EPHA6: variants seen among roughly 807,000 people sequenced by gnomAD.
EPHA6 encodes EPH receptor A6, also known as ephrin type-A receptor 6.
EPHA6 carries 50 observed loss-of-function variants against 112.0 expected under a neutral mutation model. The ratio of observed to expected loss-of-function variants is 0.45; its 90% CI spans 0.36 to 0.56. The LOEUF (loss-of-function observed/expected upper bound fraction) is 0.56. Among genes scored for constraint, EPHA6 ranks in the 20% least tolerant of loss-of-function variants. The probability of loss-of-function intolerance (pLI) is 0.00; values close to 1 mark genes in which losing one functional copy is unlikely to be tolerated. For synonymous variants in EPHA6, 529 were observed against 490.7 expected (o/e 1.08, Z -1.03); for missense variants, 1,280 against 1,417.4 (o/e 0.90, Z 1.56).
intron 12 of EPHA6, among the ~76,000 whole-genome samples, chr3:97,597,176 G>A (rs1337471675): frequency 6.6e-6 from 1 of 151,844 alleles, no homozygotes; most frequent in Non-Finnish European, 1.5e-5. Context: ...AATCGTAGAA[G>A]CTCTTTAGTT....
chr3:97,257,571 T>C (rs1332868430), intron 5 of EPHA6, among the ~76,000 whole-genome samples: 1 of 152,022 alleles, frequency 6.6e-6, no homozygotes, highest in Non-Finnish European at 1.5e-5. Context: ...TATGATTTGG[T>C]AAAAATCTTC....
At chr3:97,031,289 A>G (rs1433879191) in intron 3 of EPHA6, among the ~76,000 whole-genome samples, 1 of 152,166 alleles carries the variant, frequency 6.6e-6, no homozygotes, top group African/African-American at 2.4e-5. Context: ...GTATACAAAA[A>G]TTAATTCAAG....
chr3:97,696,966 A>T (rs1020076671), intron 14 of EPHA6, among the ~76,000 whole-genome samples: 1 of 152,210 alleles, frequency 6.6e-6, no homozygotes, highest in Non-Finnish European at 1.5e-5. Flanking sequence ...TTTAGTTTTA[A>T]AACTAGCAAA....
At chr3:97,446,101 C>A (rs184755348) in intron 6 of EPHA6, among the ~76,000 whole-genome samples, 1 of 152,146 alleles carries the variant, frequency 6.6e-6, no homozygotes, top group Admixed American at 6.6e-5. Flanking sequence ...AATTCTGGGA[C>A]GATAGTGTCC....
chr3:97,193,689 A>C (rs1445395732), intron 3 of EPHA6, among the ~76,000 whole-genome samples: 1 of 151,942 alleles, frequency 6.6e-6, no homozygotes, highest in Non-Finnish European at 1.5e-5. Flanking sequence ...AACAATGGTG[A>C]CAGTGGGCAT....
chr3:97,242,760 C>T (rs979256181), intron 4 of EPHA6, among the ~76,000 whole-genome samples: 7 of 151,662 alleles, frequency 4.6e-5, no homozygotes, highest in Middle Eastern at 3.2e-3. Context: ...TTGCTTTCCA[C>T]GCTCTAAGCA....
chr3:97,269,694 C>A (rs2079817851), intron 5 of EPHA6, among the ~76,000 whole-genome samples: 1 of 152,114 alleles, frequency 6.6e-6, no homozygotes, highest in Admixed American at 6.6e-5. Context: ...TTTTTGTTTC[C>A]CAGATGAAAA....
At chr3:97,381,846 C>T (rs1032624779) in intron 5 of EPHA6, among the ~76,000 whole-genome samples, 1 of 152,032 alleles carries the variant, frequency 6.6e-6, no homozygotes, top group Non-Finnish European at 1.5e-5. Context: ...GCTTACAATC[C>T]TTTCACCATT....
At chr3:97,428,153 G>A in intron 6 of EPHA6, among the ~76,000 whole-genome samples, 1 of 152,074 alleles carries the variant, frequency 6.6e-6, no homozygotes, top group South Asian at 2.1e-4. Flanking sequence ...ATATAATTTA[G>A]TCCCAGAAGA....
rs1432664993 is a variant in EPHA6 at position 96,866,314 on chromosome 3, CTAGTG to C, written c.386-508_386-504del. ...CATCTTATAGCCATAAGTAAACTAC[CTAGTG>C]TATATAATAATAATGTAGTCAGTGC... On this transcript the variant is annotated intron_variant, in intron 1 of 17. Transcript: ENST00000389672. Among the ~76,000 whole-genome samples the C allele has an allele frequency of 2.0e-5, 3 of 151,836 alleles. No individual in the cohort carries two copies. The East Asian group carries it at 5.8e-4, about 29-fold the overall frequency.
At chr3:96,880,765 T>G (rs1035265043) in intron 2 of EPHA6, among the ~76,000 whole-genome samples, 2 of 152,222 alleles carry the variant, frequency 1.3e-5, no homozygotes, top group East Asian at 3.8e-4. Context: ...GTGTATTTCA[T>G]ATAAATTGAA....
intron 3 of EPHA6, among the ~76,000 whole-genome samples, chr3:97,110,516 T>G (rs2047689421): frequency 6.6e-6 from 1 of 151,980 alleles, no homozygotes; most frequent in Admixed American, 6.6e-5. Flanking sequence ...CTCCTTCATT[T>G]TATTATATTA....
intron 3 of EPHA6, among the ~76,000 whole-genome samples, chr3:97,133,794 C>T (rs2075698353): frequency 1.3e-5 from 2 of 151,852 alleles, no homozygotes; most frequent in South Asian, 4.1e-4. Context: ...CCCTATACCA[C>T]CTAGGAGATC....
intron 3 of EPHA6, among the ~76,000 whole-genome samples, chr3:97,137,277 G>A (rs1030084391): frequency 1.3e-5 from 2 of 152,014 alleles, no homozygotes; most frequent in African/African-American, 4.8e-5. Context: ...TCCTTGTTTG[G>A]ACCTTAGAGT....
intron 2 of EPHA6, among the ~76,000 whole-genome samples, chr3:96,974,352 G>C (rs2042437181): frequency 1.3e-5 from 2 of 150,134 alleles, no homozygotes; most frequent in East Asian, 1.9e-4. Context: ...TGATATATAA[G>C]AATCTGTAAA....
intron 1 of EPHA6, among the ~76,000 whole-genome samples, chr3:96,848,371 A>G (rs983151281): frequency 1.3e-5 from 2 of 152,096 alleles, no homozygotes; most frequent in African/African-American, 4.8e-5. Flanking sequence ...TATTTACTGT[A>G]ATCCTAGCAC....
At chr3:97,720,125 CT>C (rs1246338021) in intron 14 of EPHA6, 135 bp from the exon 15 acceptor site, 15 of 666,132 alleles carry the variant, frequency 2.3e-5, no homozygotes, top group Non-Finnish European at 3.3e-5. Flanking sequence ...TTCTGGCTTT[CT>C]TTTGATTTTA....
At chr3:96,918,235 G>A (rs946113300) in intron 2 of EPHA6, among the ~76,000 whole-genome samples, 1 of 152,070 alleles carries the variant, frequency 6.6e-6, no homozygotes, top group African/African-American at 2.4e-5. Context: ...AGAGATTGAA[G>A]TAAATTTTTG....
At chr3:96,821,282 C>T (rs1021809347) in intron 1 of EPHA6, among the ~76,000 whole-genome samples, 3 of 151,908 alleles carry the variant, frequency 2.0e-5, no homozygotes, top group African/African-American at 7.2e-5. Context: ...CTCTTACACA[C>T]TGTTTTTTAG....
Sources: allele counts gnomAD v4.1 joint callset (sites outside exome capture counted in the v4.1 genomes callset), GRCh38; gene constraint gnomAD v4.1.1; transcripts MANE v1.5; gene names NCBI Gene and HGNC (gene_info 2026-07-23, HGNC 2026-07-21).